Variants in CADPS2 observed in about 807,000 individuals in gnomAD.
The protein encoded by CADPS2 is calcium dependent secretion activator 2.
CADPS2 carries 93 observed loss-of-function variants against 172.5 expected under a neutral mutation model. The observed-to-expected ratio is 0.54, with a 90% CI of 0.46 to 0.64. The LOEUF is 0.64. Among genes scored for constraint, CADPS2 ranks in the 30% least tolerant of loss-of-function variants. The pLI is 0.00. For missense variants in CADPS2, 1,420 were observed against 1,565.9 expected, an observed-to-expected ratio of 0.91 and a Z score of 1.57; for synonymous variants, 546 against 555.2, an observed-to-expected ratio of 0.98 and a Z score of 0.23.
At chr7:122,469,846 TAC>T (rs1296479480) in intron 14 of CADPS2, among the ~76,000 whole-genome samples, 1 of 148,196 alleles carries the variant, frequency 6.7e-6, no homozygotes, top group East Asian at 2.0e-4. Context: ...TGTGTGCACG[TAC>T]ACACATCTAG....
rs2032033514 is a variant in CADPS2 at position 122,319,934 on chromosome 7, G to C, written c.*231C>G. 7.4e-6 allele frequency: 3 copies of C among 404,056 alleles called. No homozygotes were observed. Among genetic ancestry groups the C allele is most frequent in the Non-Finnish European group, 1.3e-5 (3 of 232,560 alleles). The allele number at this position is 404,056 out of a possible 1,614,324, so 25.0% of individuals were successfully genotyped here. ...TTTTAGGTCAAACTACACAAAAGAG[G>C]ATGCTCTTCTCCAAAAAAACAAACA... is the stretch of plus-strand genomic sequence containing the variant. On this transcript the variant is annotated 3_prime_UTR_variant, in exon 30 of 30. Coordinates refer to ENST00000449022, the MANE Select transcript of CADPS2 (RefSeq NM_017954.11).
chr7:122,695,987 T>A (rs2085024979), intron 2 of CADPS2, among the ~76,000 whole-genome samples: 1 of 152,204 alleles, frequency 6.6e-6, no homozygotes, highest in Admixed American at 6.5e-5. Flanking sequence ...AGAGCTGCAA[T>A]GACCCTGGAA....
intron 8 of CADPS2, among the ~76,000 whole-genome samples, chr7:122,540,126 GACT>G (rs1314181012): frequency 1.3e-5 from 2 of 152,030 alleles, no homozygotes; most frequent in African/African-American, 4.8e-5. Context: ...ACTGAATCAT[GACT>G]ACATTACAAG....
At chr7:122,665,471 G>A (rs1245169913) in intron 2 of CADPS2, among the ~76,000 whole-genome samples, 1 of 152,100 alleles carries the variant, frequency 6.6e-6, no homozygotes. Flanking sequence ...ATGAGGTTAT[G>A]TCCTAATAAG....
rs549739816 is a variant in CADPS2 at position 122,393,062 on chromosome 7, A to C, written c.3008+134T>G. On this transcript the variant is annotated intron_variant, in intron 22 of 29. Coordinates refer to ENST00000449022, the MANE Select transcript of CADPS2 (RefSeq NM_017954.11). Reference sequence around the variant, plus strand: ...GCTTAGCTTACTAGCTTAAAAACTCAAATAAAAAAAAAAAAACAGTATTCC... The same window carrying C: ...GCTTAGCTTACTAGCTTAAAAACTCCAATAAAAAAAAAAAAACAGTATTCC... 9.0e-6 allele frequency: 10 copies of C among 1,114,224 alleles called. No individual in the cohort carries two copies. In the South Asian group the frequency reaches 1.9e-4, roughly 21 times the overall value. 69.0% of individuals were successfully genotyped at this position (1,114,224 alleles called of 1,614,324 possible).
chr7:122,383,789 A>T (rs1290785582), intron 24 of CADPS2, among the ~76,000 whole-genome samples: 1 of 152,106 alleles, frequency 6.6e-6, no homozygotes, highest in Non-Finnish European at 1.5e-5. Flanking sequence ...AGCTTTCTTA[A>T]AAGATTTTGG....
chr7:122,702,575 C>T (rs1564110076), intron 2 of CADPS2: 1 of 1,613,712 alleles, frequency 6.2e-7, no homozygotes, highest in Non-Finnish European at 8.5e-7. Flanking sequence ...GAACACTCCA[C>T]TCTCTCCTAA....
At chr7:122,652,165 T>C (rs1408415972) in intron 3 of CADPS2, among the ~76,000 whole-genome samples, 2 of 152,204 alleles carry the variant, frequency 1.3e-5, no homozygotes, top group African/African-American at 2.4e-5. Context: ...TTTTTTTCTA[T>C]AAACCTTGCA....
At chr7:122,751,374 G>A (rs1049980682) in intron 1 of CADPS2, among the ~76,000 whole-genome samples, 2 of 152,070 alleles carry the variant, frequency 1.3e-5, no homozygotes, top group African/African-American at 4.8e-5. Context: ...AATGAAATAA[G>A]GGCCCCCTAA....
chr7:122,741,506 C>A (rs562427311), intron 1 of CADPS2, among the ~76,000 whole-genome samples: 1 of 152,114 alleles, frequency 6.6e-6, no homozygotes. Context: ...CTATCCTACA[C>A]GGAGACTGGA....
intron 1 of CADPS2, among the ~76,000 whole-genome samples, chr7:122,753,933 T>A (rs917966670): frequency 2.0e-5 from 3 of 152,140 alleles, no homozygotes; most frequent in African/African-American, 2.4e-5. Context: ...TTTAAAACAG[T>A]TGAATTTTAA....
At chr7:122,322,100 C>A (rs542146393) in intron 29 of CADPS2, among the ~76,000 whole-genome samples, 4 of 152,310 alleles carry the variant, frequency 2.6e-5, no homozygotes, top group Non-Finnish European at 5.9e-5. Flanking sequence ...ATTATTACCA[C>A]AAAGATTTGT....
chr7:122,440,948 A>AT (rs1471327433), intron 16 of CADPS2, among the ~76,000 whole-genome samples: 1 of 152,118 alleles, frequency 6.6e-6, no homozygotes, highest in African/African-American at 2.4e-5. Flanking sequence ...TTAAAAAATG[A>AT]TTTTTTTCAC....
At chr7:122,861,832 T>C (rs1011739718) in intron 1 of CADPS2, among the ~76,000 whole-genome samples, 1 of 152,184 alleles carries the variant, frequency 6.6e-6, no homozygotes, top group Non-Finnish European at 1.5e-5. Context: ...ATAAAACATA[T>C]TTAAAAATAA....
intron 27 of CADPS2, among the ~76,000 whole-genome samples, chr7:122,345,913 G>T (rs2037541141): frequency 1.2e-5 from 1 of 84,410 alleles, no homozygotes; most frequent in Non-Finnish European, 2.2e-5. Flanking sequence ...TAGATCCGTA[G>T]ATATCTTTTT....
At chr7:122,347,537 G>A (rs1237876592) in intron 27 of CADPS2, among the ~76,000 whole-genome samples, 1 of 151,998 alleles carries the variant, frequency 6.6e-6, no homozygotes, top group Non-Finnish European at 1.5e-5. Context: ...AACAACATTA[G>A]CTGTAACTTG....
intron 4 of CADPS2, among the ~76,000 whole-genome samples, chr7:122,624,754 C>G (rs1204412082): frequency 6.6e-6 from 1 of 152,128 alleles, no homozygotes; most frequent in African/African-American, 2.4e-5. Context: ...CACAAATATG[C>G]CAGCATGTAA....
intron 3 of CADPS2, among the ~76,000 whole-genome samples, chr7:122,639,270 T>C (rs1005568635): frequency 1.3e-5 from 2 of 152,218 alleles, no homozygotes; most frequent in African/African-American, 4.8e-5. Context: ...GTTTTTTAAA[T>C]TTATTTTCGA....
At chr7:122,625,081 G>C (rs905615730) in intron 4 of CADPS2, among the ~76,000 whole-genome samples, 1 of 150,892 alleles carries the variant, frequency 6.6e-6, no homozygotes, top group Non-Finnish European at 1.5e-5. Flanking sequence ...ACAGAGTTTC[G>C]CTCTTGTTGC....
Sources: gnomAD v4.1 joint callset for allele counts (sites outside exome capture counted in the v4.1 genomes callset) on GRCh38, gnomAD v4.1.1 for gene constraint, MANE v1.5 for transcripts, NCBI Gene and HGNC (gene_info 2026-07-23, HGNC 2026-07-21) for gene names.